PTK2: variants seen among roughly 807,000 people sequenced by gnomAD.
PTK2 encodes the protein focal adhesion kinase 1.
In PTK2, 45 loss-of-function variants were observed where a neutral mutation model predicts 150.1. That is an observed-to-expected ratio of 0.30 (90% CI 0.24 to 0.38). PTK2 has a LOEUF of 0.38. Ranked by LOEUF, PTK2 falls within the 10% of genes least tolerant of loss-of-function variation. The pLI, the probability that PTK2 is intolerant of heterozygous loss-of-function variation, is 1.00. For missense variants in PTK2, 919 were observed against 1,307.3 expected (o/e 0.70, Z 4.58); for synonymous variants, 432 against 449.2 (o/e 0.96, Z 0.48).
At chr8:140,694,932 G>C (rs1426855866) in intron 26 of PTK2, among the ~76,000 whole-genome samples, 1 of 152,186 alleles carries the variant, frequency 6.6e-6, no homozygotes, top group Admixed American at 6.5e-5. Context: ...GAGGGTCAGG[G>C]TGGCCCTCAC....
intron 26 of PTK2, among the ~76,000 whole-genome samples, chr8:140,693,371 A>G (rs973337638): frequency 2.6e-5 from 4 of 151,952 alleles, no homozygotes; most frequent in Non-Finnish European, 5.9e-5. Context: ...ATGGACAACA[A>G]AGTGAGACCC....
At chr8:140,959,012 T>C (rs2100182160) in intron 1 of PTK2, among the ~76,000 whole-genome samples, 1 of 152,194 alleles carries the variant, frequency 6.6e-6, no homozygotes, top group African/African-American at 2.4e-5. Flanking sequence ...ACAATGTCAA[T>C]TTGTCACAGA....
At chr8:140,941,189 T>A (rs1281453509) in intron 1 of PTK2, among the ~76,000 whole-genome samples, 1 of 152,096 alleles carries the variant, frequency 6.6e-6, no homozygotes, top group Admixed American at 6.5e-5. Flanking sequence ...AAAACCAGGG[T>A]TAAGTTAATG....
chr8:140,667,198 G>A (rs541441742), intron 30 of PTK2, among the ~76,000 whole-genome samples: 1 of 152,262 alleles, frequency 6.6e-6, no homozygotes, highest in East Asian at 1.9e-4. Flanking sequence ...GCTGATGGTG[G>A]CACAACATTG....
At chr8:140,868,850 T>C (rs1433946658) in intron 4 of PTK2, among the ~76,000 whole-genome samples, 2 of 152,172 alleles carry the variant, frequency 1.3e-5, no homozygotes, top group Non-Finnish European at 2.9e-5. Flanking sequence ...TATTCTGAAT[T>C]GATCCTCAAC....
intron 1 of PTK2, among the ~76,000 whole-genome samples, chr8:140,954,540 T>C (rs190874864): frequency 1.7e-4 from 26 of 152,296 alleles, no homozygotes; most frequent in African/African-American, 6.0e-4. Flanking sequence ...ACCATTATTA[T>C]ACTACCTGTC....
At chr8:140,867,529 C>A (rs1327340031) in intron 4 of PTK2, among the ~76,000 whole-genome samples, 1 of 151,966 alleles carries the variant, frequency 6.6e-6, no homozygotes. Flanking sequence ...TTAGACAAGG[C>A]CTTTAGATCA....
chr8:140,863,539 C>G (rs1241099406), intron 5 of PTK2, among the ~76,000 whole-genome samples: 2 of 152,184 alleles, frequency 1.3e-5, no homozygotes, highest in Non-Finnish European at 2.9e-5. Flanking sequence ...TTCTCTCTCC[C>G]CTCCGTGTTC....
chr8:140,783,362 A>G (rs1446035461), intron 14 of PTK2, among the ~76,000 whole-genome samples: 2 of 152,242 alleles, frequency 1.3e-5, no homozygotes, highest in Non-Finnish European at 2.9e-5. Flanking sequence ...AAACCACTTC[A>G]GCTCCGAGTG....
chr8:140,713,425 G>A (rs2100037871), intron 23 of PTK2, among the ~76,000 whole-genome samples: 2 of 152,178 alleles, frequency 1.3e-5, no homozygotes, highest in South Asian at 4.1e-4. Flanking sequence ...AACTTGCTTA[G>A]CTAATTTTTG....
rs554529609 is a variant in PTK2, at chr8:140,873,614, C to T, written c.362+5857G>A. 3.8e-4 allele frequency among the ~76,000 whole-genome samples: 58 copies of T among 152,200 alleles called. 1 individual carries two copies. Among genetic ancestry groups the T allele is most frequent in the African/African-American group, 1.2e-3 (48 of 41,526 alleles). ...CCCAGTAGCTGGGATTACAGACGTC[C>T]GCCATGACGCCTGGTAATTTTTGTA... On this transcript the variant is annotated intron_variant, in intron 4 of 31. Transcript: ENST00000522684.
At chr8:140,676,796 G>C (rs996716416) in intron 27 of PTK2, among the ~76,000 whole-genome samples, 4 of 68,542 alleles carry the variant, frequency 5.8e-5, no homozygotes, top group African/African-American at 2.4e-4. Context: ...AAAATAGCCA[G>C]GTGTGGTGGT....
chr8:140,792,441 C>A (rs749327539), intron 13 of PTK2, among the ~76,000 whole-genome samples: 1 of 152,210 alleles, frequency 6.6e-6, no homozygotes, highest in Non-Finnish European at 1.5e-5. Context: ...AAGCTTGCAT[C>A]TGGTTTTCCC....
intron 10 of PTK2, among the ~76,000 whole-genome samples, chr8:140,806,479 A>G (rs2100098258): frequency 6.6e-6 from 1 of 152,200 alleles, no homozygotes; most frequent in Admixed American, 6.5e-5. Context: ...GAAATGAGGA[A>G]TACTATCTCA....
At chr8:140,934,310 A>G (rs918647951) in intron 1 of PTK2, among the ~76,000 whole-genome samples, 3 of 152,198 alleles carry the variant, frequency 2.0e-5, no homozygotes, top group African/African-American at 7.2e-5. Context: ...CAGGAGGCTG[A>G]GGCAGGAGGA....
Position 140,824,433 on chromosome 8 carries a change from T to C in PTK2, c.649-5413A>G, listed in dbSNP as rs371351109. Among the ~76,000 whole-genome samples, 4 of 151,758 alleles carry C rather than the reference T, an allele frequency of 2.6e-5. No homozygotes were observed. The East Asian group carries it at 7.7e-4, about 29-fold the overall frequency. ...AAGCAGCTGGAGTAAAGGAAAACGA[T>C]ATCATTCAGAGTTAGTTTCCTATGG... On this transcript the variant is annotated intron_variant, in intron 8 of 31. Coordinates refer to ENST00000522684, the Ensembl canonical transcript of PTK2.
chr8:140,762,037 G>A (rs781011567), intron 15 of PTK2, among the ~76,000 whole-genome samples: 2 of 151,954 alleles, frequency 1.3e-5, no homozygotes, highest in Non-Finnish European at 2.9e-5. Flanking sequence ...TTGGTATTTT[G>A]ATTTATTTCA....
chr8:140,665,674 T>G (rs1426880940), intron 30 of PTK2, among the ~76,000 whole-genome samples: 1 of 152,328 alleles, frequency 6.6e-6, no homozygotes, highest in African/African-American at 2.4e-5. Context: ...TCAAATTACA[T>G]GTAATATGAA....
At chr8:140,998,592 G>A (rs2100198690) in intron 1 of PTK2, among the ~76,000 whole-genome samples, 1 of 152,044 alleles carries the variant, frequency 6.6e-6, no homozygotes, top group South Asian at 2.1e-4. Flanking sequence ...GCCAAGGTGG[G>A]CGGATCATGA....
Sources: allele counts gnomAD v4.1 joint callset (sites outside exome capture counted in the v4.1 genomes callset), GRCh38; gene constraint gnomAD v4.1.1; transcripts MANE v1.5; gene names NCBI Gene and HGNC (gene_info 2026-07-23, HGNC 2026-07-21).